HECW2: variants seen among roughly 807,000 people sequenced by gnomAD.
HECW2 encodes HECT, C2 and WW domain containing E3 ubiquitin protein ligase 2, also known as E3 ubiquitin-protein ligase HECW2.
HECW2 carries 61 observed loss-of-function variants against 175.2 expected under a neutral mutation model. The observed-to-expected ratio is 0.35, with a 90% CI of 0.28 to 0.43. HECW2 has a LOEUF of 0.43. Among genes scored for constraint, HECW2 ranks in the 20% least tolerant of loss-of-function variants. HECW2 has a pLI of 1.00. For missense variants in HECW2, 1,524 were observed against 2,000.5 expected, an observed-to-expected ratio of 0.76 and a Z score of 4.54; for synonymous variants, 671 against 731.0, an observed-to-expected ratio of 0.92 and a Z score of 1.32.
At chr2:196,311,855 A>T (rs567682476) in intron 10 of HECW2, among the ~76,000 whole-genome samples, 6 of 152,256 alleles carry the variant, frequency 3.9e-5, no homozygotes, top group Admixed American at 1.3e-4. Context: ...TCCAGGTGCA[A>T]GTAGACTCTT....
At chr2:196,513,215 G>A (rs1333515442) in intron 1 of HECW2, among the ~76,000 whole-genome samples, 1 of 152,132 alleles carries the variant, frequency 6.6e-6, no homozygotes, top group African/African-American at 2.4e-5. Flanking sequence ...CCACAATGAA[G>A]GTGGTAGTAA....
intron 1 of HECW2, among the ~76,000 whole-genome samples, chr2:196,498,529 T>C (rs1273885346): frequency 3.9e-5 from 6 of 152,212 alleles, no homozygotes; most frequent in Non-Finnish European, 7.3e-5. Context: ...AAGCTGTCTT[T>C]GCTGATTCCT....
At chr2:196,392,555 C>T (rs543018829) in intron 2 of HECW2, among the ~76,000 whole-genome samples, 48 of 152,148 alleles carry the variant, frequency 3.2e-4, no homozygotes, top group African/African-American at 1.0e-3. Flanking sequence ...CATATTCTAA[C>T]ATCAAAATAA....
chr2:196,359,889 C>T (rs145651835), intron 2 of HECW2, among the ~76,000 whole-genome samples: 7 of 152,234 alleles, frequency 4.6e-5, no homozygotes, highest in South Asian at 2.1e-4. Context: ...GATTGCTTGA[C>T]GCTATGAGTT....
At chr2:196,561,729 A>G (rs1408924506) in intron 1 of HECW2, among the ~76,000 whole-genome samples, 1 of 152,200 alleles carries the variant, frequency 6.6e-6, no homozygotes, top group Non-Finnish European at 1.5e-5. Context: ...AATACATACA[A>G]TGACTTCTTA....
intron 2 of HECW2, among the ~76,000 whole-genome samples, chr2:196,382,338 A>C (rs987852431): frequency 6.6e-6 from 1 of 151,992 alleles, no homozygotes; most frequent in African/African-American, 2.4e-5. Flanking sequence ...GTGAGAAAAA[A>C]AGGGAAAAAT....
chr2:196,203,952 G>A (rs1191510215), intron 28 of HECW2, among the ~76,000 whole-genome samples: 1 of 152,026 alleles, frequency 6.6e-6, no homozygotes, highest in Non-Finnish European at 1.5e-5. Flanking sequence ...TCATATAAGT[G>A]GAATCTTAAA....
At chr2:196,425,845 T>C (rs1417771960) in intron 2 of HECW2, among the ~76,000 whole-genome samples, 1 of 152,186 alleles carries the variant, frequency 6.6e-6, no homozygotes, top group Non-Finnish European at 1.5e-5. Context: ...CAGCAGGGTT[T>C]GAAAAGATTG....
chr2:196,332,777 C>T (rs1692414227), intron 4 of HECW2, among the ~76,000 whole-genome samples: 1 of 152,186 alleles, frequency 6.6e-6, no homozygotes, highest in South Asian at 2.1e-4. Context: ...CCCCACTCTT[C>T]TAGTTTTGTA....
chr2:196,527,735 G>C (rs1688717473), intron 1 of HECW2, among the ~76,000 whole-genome samples: 1 of 152,188 alleles, frequency 6.6e-6, no homozygotes, highest in African/African-American at 2.4e-5. Flanking sequence ...AGAAACTTCA[G>C]ACTTAACAGC....
At position 196,281,643 on chromosome 2, in the gene HECW2, CAAAAAAAAAAAAAAA is replaced by C. The variant is rs66656305; in HGVS notation, c.3001-2996_3001-2982del. Among the ~76,000 whole-genome samples, 93 of 38,210 alleles carry C rather than the reference CAAAAAAAAAAAAAAA, an allele frequency of 2.4e-3. No individual in the cohort carries two copies. In the Middle Eastern group the frequency reaches 0.14, roughly 59 times the overall value. 25.1% of individuals were successfully genotyped at this position (38,210 alleles called of 152,430 possible). A position where few individuals can be genotyped will look rare whatever the true frequency, so the allele number is the denominator to read the frequency against. ...TAGGTGACAGAGTGAGACCCCGTCT[CAAAAAAAAAAAAAAA>C]AAAAAAAAAAAGCGTGTTCTTTTAC... On this transcript the variant is annotated intron_variant, in intron 14 of 28. Coordinates refer to ENST00000644978, the MANE Select transcript of HECW2 (RefSeq NM_001348768.2).
At chr2:196,341,511 G>C (rs1692751124) in intron 3 of HECW2, among the ~76,000 whole-genome samples, 1 of 152,162 alleles carries the variant, frequency 6.6e-6, no homozygotes, top group Non-Finnish European at 1.5e-5. Context: ...AAGTTACATA[G>C]ACATAAGTCG....
chr2:196,269,611 G>A (rs1417476338), intron 17 of HECW2: 1 of 151,152 alleles, frequency 6.6e-6, no homozygotes, highest in East Asian at 1.9e-4. Flanking sequence ...TTCAGTATGT[G>A]CAAAATGCTA....
chr2:196,321,857 A>T (rs1217196499), intron 7 of HECW2, among the ~76,000 whole-genome samples: 1 of 152,174 alleles, frequency 6.6e-6, no homozygotes, highest in Non-Finnish European at 1.5e-5. Flanking sequence ...ATGCATTATT[A>T]ATTTGCATAA....
At chr2:196,281,463 C>A (rs900318498) in intron 14 of HECW2, among the ~76,000 whole-genome samples, 1 of 151,758 alleles carries the variant, frequency 6.6e-6, no homozygotes, top group Admixed American at 6.6e-5. Context: ...CATGGCAAAA[C>A]CCTGTCTCTA....
intron 1 of HECW2, among the ~76,000 whole-genome samples, chr2:196,521,832 A>G (rs1283672782): frequency 2.7e-5 from 4 of 149,390 alleles, no homozygotes. Context: ...TTATGGCTGC[A>G]TAGTATTCCA....
At chr2:196,369,323 C>T (rs1056125131) in intron 2 of HECW2, among the ~76,000 whole-genome samples, 9 of 145,552 alleles carry the variant, frequency 6.2e-5, no homozygotes, top group African/African-American at 2.4e-4. Context: ...TCTTCCCTTA[C>T]TCCTCCTAAA....
intron 1 of HECW2, among the ~76,000 whole-genome samples, chr2:196,525,049 C>G (rs1353663939): frequency 7.8e-5 from 11 of 140,212 alleles, no homozygotes; most frequent in East Asian, 2.0e-4. Flanking sequence ...TTTCTGTCTC[C>G]TTGATCTGTC....
rs187164474 is a variant in HECW2, at chr2:196,558,525, A to C, written c.-36+34983T>G. 6.5e-4 allele frequency among the ~76,000 whole-genome samples: 99 copies of C among 152,374 alleles called. 1 individual carries two copies. The East Asian group carries it at 7.7e-3, about 12-fold the overall frequency. ...TTCATAGCCTTCTTCATAGAAAACA[A>C]CACCAGGTACTGCAACCATTTGAAC... is the stretch of plus-strand genomic sequence containing the variant. On this transcript the variant is annotated intron_variant, in intron 1 of 28. Coordinates refer to ENST00000644978, the MANE Select transcript of HECW2 (RefSeq NM_001348768.2).
Sources: allele counts gnomAD v4.1 joint callset (sites outside exome capture counted in the v4.1 genomes callset), GRCh38; gene constraint gnomAD v4.1.1; transcripts MANE v1.5; gene names NCBI Gene and HGNC (gene_info 2026-07-23, HGNC 2026-07-21).